RSRC1: variants seen among roughly 807,000 people sequenced by gnomAD.
The protein encoded by RSRC1 is serine/Arginine-related protein 53.
In RSRC1, 39 loss-of-function variants were observed where a neutral mutation model predicts 49.1. The ratio of observed to expected loss-of-function variants is 0.79; its 90% CI spans 0.61 to 1.04. The LOEUF (loss-of-function observed/expected upper bound fraction) is 1.04. Ranked by LOEUF, RSRC1 falls within the 50% of genes least tolerant of loss-of-function variation. The pLI, the probability that RSRC1 is intolerant of heterozygous loss-of-function variation, is 0.00. For synonymous variants in RSRC1, 143 were observed against 130.8 expected (o/e 1.09, Z -0.63); for missense variants, 388 against 402.4 (o/e 0.96, Z 0.31).
At chr3:158,180,347 ATTT>A (rs1167880580) in intron 3 of RSRC1, among the ~76,000 whole-genome samples, 1 of 69,310 alleles carries the variant, frequency 1.4e-5, no homozygotes, top group Non-Finnish European at 3.0e-5. Flanking sequence ...TGTGTGATTC[ATTT>A]TTATTTAATT....
intron 3 of RSRC1, among the ~76,000 whole-genome samples, chr3:158,188,782 A>G (rs1445095790): frequency 1.3e-5 from 2 of 151,980 alleles, no homozygotes; most frequent in African/African-American, 2.4e-5. Flanking sequence ...TAATCTTTCA[A>G]AGAATCAACT....
chr3:158,291,201 T>C (rs1335173660), intron 4 of RSRC1, among the ~76,000 whole-genome samples: 1 of 152,168 alleles, frequency 6.6e-6, no homozygotes, highest in Non-Finnish European at 1.5e-5. Flanking sequence ...AAAATTATTT[T>C]TAATAGTTAA....
intron 4 of RSRC1, among the ~76,000 whole-genome samples, chr3:158,229,883 T>C (rs1329565452): frequency 6.6e-6 from 1 of 152,032 alleles, no homozygotes; most frequent in African/African-American, 2.4e-5. Flanking sequence ...TTTACATAGC[T>C]AAAGTACAAT....
At chr3:158,451,940 G>C (rs559985065) in intron 6 of RSRC1, among the ~76,000 whole-genome samples, 1 of 152,120 alleles carries the variant, frequency 6.6e-6, no homozygotes, top group African/African-American at 2.4e-5. Context: ...AAACTCACTA[G>C]ATACATTTTC....
chr3:158,210,766 T>A (rs966702052), intron 4 of RSRC1, among the ~76,000 whole-genome samples: 2 of 152,008 alleles, frequency 1.3e-5, no homozygotes, highest in Non-Finnish European at 2.9e-5. Flanking sequence ...GGGAACATAA[T>A]ATAACAAAAA....
chr3:158,303,261 T>A (rs73031638), intron 5 of RSRC1: 1 of 152,212 alleles, frequency 6.6e-6, no homozygotes, highest in Non-Finnish European at 1.5e-5. Context: ...GAAAAATTAC[T>A]TTTTTAGGTC....
intron 5 of RSRC1, among the ~76,000 whole-genome samples, chr3:158,334,649 T>TGTGTG (rs1729770824): frequency 1.7e-4 from 23 of 137,536 alleles, no homozygotes; most frequent in African/African-American, 5.3e-4. Context: ...CCCAGCTAAT[T>TGTGTG]TGTGTGTGTG....
At chr3:158,179,267 G>T (rs1483813673) in intron 3 of RSRC1, among the ~76,000 whole-genome samples, 1 of 152,128 alleles carries the variant, frequency 6.6e-6, no homozygotes, top group East Asian at 1.9e-4. Context: ...CTGTTTCCCT[G>T]ATGATAATAT....
chr3:158,220,534 T>C (rs552829113), intron 4 of RSRC1, among the ~76,000 whole-genome samples: 5 of 151,754 alleles, frequency 3.3e-5, no homozygotes, highest in African/African-American at 1.2e-4. Context: ...TTGAGTTAGA[T>C]TGATTATATG....
At chr3:158,433,810 T>G (rs1337961440) in intron 6 of RSRC1, among the ~76,000 whole-genome samples, 1 of 152,014 alleles carries the variant, frequency 6.6e-6, no homozygotes, top group Non-Finnish European at 1.5e-5. Flanking sequence ...GATGGATTGC[T>G]GATCTTAATT....
chr3:158,217,767 G>GT (rs1559947239), intron 4 of RSRC1, among the ~76,000 whole-genome samples: 21 of 143,716 alleles, frequency 1.5e-4, no homozygotes, highest in South Asian at 9.3e-4. Context: ...TGTGTGTGTG[G>GT]GGGGGGAATT....
At chr3:158,328,380 C>T (rs1729308764) in intron 5 of RSRC1, among the ~76,000 whole-genome samples, 1 of 152,120 alleles carries the variant, frequency 6.6e-6, no homozygotes, top group African/African-American at 2.4e-5. Flanking sequence ...CCGGTAGTTT[C>T]TTTCCATGTT....
At chr3:158,342,467 A>G (rs1007937928) in intron 5 of RSRC1, among the ~76,000 whole-genome samples, 17 of 152,242 alleles carry the variant, frequency 1.1e-4, no homozygotes, top group South Asian at 1.0e-3. Context: ...TGCCACCACC[A>G]TGTAAGAAGT....
intron 3 of RSRC1, among the ~76,000 whole-genome samples, chr3:158,200,286 C>A (rs575593808): frequency 1.1e-3 from 166 of 152,304 alleles, no homozygotes; most frequent in African/African-American, 3.9e-3. Flanking sequence ...GATCCCCTCA[C>A]CTCAGCCTCC....
At chr3:158,497,426 A>C (rs1578546774) in intron 7 of RSRC1, among the ~76,000 whole-genome samples, 6 of 119,572 alleles carry the variant, frequency 5.0e-5, no homozygotes, top group Admixed American at 2.6e-4. Context: ...CCAAGTCCTC[A>C]CAGTCCATTG....
At chr3:158,532,326 C>T (rs1298200562) in intron 7 of RSRC1, among the ~76,000 whole-genome samples, 4 of 151,738 alleles carry the variant, frequency 2.6e-5, no homozygotes, top group Non-Finnish European at 5.9e-5. Context: ...CTCAGCCTGG[C>T]ATTGTTATTA....
Position 158,216,402 on chromosome 3 carries a change from T to C in RSRC1, c.494+13157T>C, listed in dbSNP as rs377600535. On this transcript the variant is annotated intron_variant, in intron 4 of 9. Transcript: ENST00000611884. Reference sequence around the variant, plus strand: ...TTTTATATTTTCCTTATTATATTTTTGAAGTTCTAATTTTTTGTATTCTTT... The same window carrying C: ...TTTTATATTTTCCTTATTATATTTTCGAAGTTCTAATTTTTTGTATTCTTT... Among the ~76,000 whole-genome samples the C allele has an allele frequency of 6.2e-4, 94 of 151,690 alleles. No homozygotes were observed. The South Asian group carries it at 0.018, about 28-fold the overall frequency.
intron 3 of RSRC1, among the ~76,000 whole-genome samples, chr3:158,129,627 C>T (rs1715883068): frequency 6.6e-6 from 1 of 152,102 alleles, no homozygotes; most frequent in South Asian, 2.1e-4. Flanking sequence ...AGTCTTGGTA[C>T]CTCTGTCGAA....
At chr3:158,308,793 G>A (rs181312926) in intron 5 of RSRC1, among the ~76,000 whole-genome samples, 1 of 152,012 alleles carries the variant, frequency 6.6e-6, no homozygotes, top group East Asian at 1.9e-4. Context: ...GATGATTGCA[G>A]TTTTGATAGG....
Sources: allele counts gnomAD v4.1 joint callset (sites outside exome capture counted in the v4.1 genomes callset), GRCh38; gene constraint gnomAD v4.1.1; transcripts MANE v1.5; gene names NCBI Gene and HGNC (gene_info 2026-07-23, HGNC 2026-07-21).